The following FAM107B variants were observed in gnomAD, a reference collection of about 807,000 sequenced individuals.
The protein encoded by FAM107B is protein FAM107B.
In FAM107B, 21 loss-of-function variants were observed where a neutral mutation model predicts 31.5. That is an observed-to-expected ratio of 0.67 (90% CI 0.47 to 0.96). The LOEUF is 0.96. Among genes scored for constraint, FAM107B ranks in the 40% least tolerant of loss-of-function variants. The pLI is 0.00. For missense variants in FAM107B, 452 were observed against 377.1 expected (o/e 1.20, Z -1.64); for synonymous variants, 157 against 141.5 (o/e 1.11, Z -0.78).
intron 1 of FAM107B, chr10:14,724,184 T>G: frequency 2.3e-6 from 1 of 429,852 alleles, no homozygotes; most frequent in Non-Finnish European, 4.2e-6. Flanking sequence ...TATTTAGCTC[T>G]AATATTTGTG....
At chr10:14,762,221 C>T (rs1833063214) in intron 1 of FAM107B, among the ~76,000 whole-genome samples, 1 of 152,154 alleles carries the variant, frequency 6.6e-6, no homozygotes, top group Non-Finnish European at 1.5e-5. Context: ...CCCTCCTCAC[C>T]CAACAATGAC....
In FAM107B at chr10:14,562,250, C is replaced by T. The variant is rs144782791; in HGVS notation, c.470-31735G>A. On this transcript the variant is annotated intron_variant, in intron 2 of 4. Transcript: ENST00000181796. ...GACAGAATGGTCTTTTAATCTAAAA[C>T]AATATTAGAATATGCAATTAAGTAG... is the stretch of plus-strand genomic sequence containing the variant. 1.6e-3 allele frequency among the ~76,000 whole-genome samples: 238 copies of T among 152,266 alleles called. 1 individual carries two copies. Among genetic ancestry groups the T allele is most frequent in the African/African-American group, 5.5e-3 (228 of 41,568 alleles).
chr10:14,622,373 T>A (rs1312347907), intron 2 of FAM107B, among the ~76,000 whole-genome samples: 1 of 150,254 alleles, frequency 6.7e-6, no homozygotes, highest in African/African-American at 2.5e-5. Flanking sequence ...AGTGGTGTGA[T>A]CTCGGCTCAC....
intron 2 of FAM107B, among the ~76,000 whole-genome samples, chr10:14,541,638 C>T (rs1848214831): frequency 6.6e-6 from 1 of 152,212 alleles, no homozygotes. Context: ...GCCTCAGGCA[C>T]TTCCCCGCCT....
intron 1 of FAM107B, among the ~76,000 whole-genome samples, chr10:14,729,675 A>T (rs1320131424): frequency 6.6e-6 from 1 of 152,188 alleles, no homozygotes; most frequent in African/African-American, 2.4e-5. Context: ...TCACCCAGCG[A>T]TCCCATTACT....
intron 2 of FAM107B, among the ~76,000 whole-genome samples, chr10:14,614,839 G>A (rs1852811020): frequency 6.6e-6 from 1 of 152,000 alleles, no homozygotes; most frequent in African/African-American, 2.4e-5. Flanking sequence ...CAGGTTACAC[G>A]AGACAGGGAC....
intron 1 of FAM107B, among the ~76,000 whole-genome samples, chr10:14,687,864 AAC>A (rs1855027610): frequency 6.6e-6 from 1 of 152,156 alleles, no homozygotes; most frequent in Non-Finnish European, 1.5e-5. Flanking sequence ...CACACACAAA[AAC>A]AGTCATGTAC....
Position 14,774,351 on chromosome 10 carries a change from G to C in FAM107B, c.313C>G (p.Pro105Ala), listed in dbSNP as rs769714201. 5.0e-6 allele frequency: 8 copies of C among 1,614,184 alleles called. No individual in the cohort carries two copies. In the South Asian group the frequency reaches 6.6e-5, roughly 13 times the overall value. ...HRTAAQPAETPEDVPGSLDDG... is the reference protein window; with the variant it reads ...HRTAAQPAETAEDVPGSLDDG... ...TCCAGGGACCCGGGCACATCTTCAG[G>C]CGTCTCCGCGGGCTGGGCCGCAGTG... Residue 105 changes from proline (P) to alanine (A), a missense_variant, in exon 1 of 5, where the codon CCT (proline) becomes GCT (alanine). Pro to Ala is a conservative substitution (Grantham distance 27, BLOSUM62 -1). Transcript: ENST00000181796.
chr10:14,599,281 GC>G (rs1319791173), intron 2 of FAM107B, among the ~76,000 whole-genome samples: 1 of 152,118 alleles, frequency 6.6e-6, no homozygotes, highest in East Asian at 1.9e-4. Context: ...GACTTAAGCA[GC>G]CCCACCAGGA....
chr10:14,692,787 C>T (rs2768733), intron 1 of FAM107B, among the ~76,000 whole-genome samples: 116,920 of 152,126 alleles, frequency 0.77, 45,151 homozygotes, highest in Admixed American at 0.85. Context: ...TCAGAATGAA[C>T]GTTGTCTTGC....
chr10:14,609,081 G>C (rs956653515), intron 2 of FAM107B, among the ~76,000 whole-genome samples: 1 of 152,190 alleles, frequency 6.6e-6, no homozygotes, highest in Non-Finnish European at 1.5e-5. Flanking sequence ...GTTAATTTCT[G>C]CTTATTTGTT....
intron 1 of FAM107B, among the ~76,000 whole-genome samples, chr10:14,727,510 G>T (rs186865767): frequency 6.6e-6 from 1 of 152,224 alleles, no homozygotes; most frequent in Non-Finnish European, 1.5e-5. Context: ...CCACAGGCTG[G>T]AAGTGACAAG....
chr10:14,619,329 T>C (rs1852935982), intron 2 of FAM107B, among the ~76,000 whole-genome samples: 1 of 152,224 alleles, frequency 6.6e-6, no homozygotes, highest in Non-Finnish European at 1.5e-5. Flanking sequence ...ATGAGAGTCC[T>C]GGTTGTTCTA....
intron 2 of FAM107B, among the ~76,000 whole-genome samples, chr10:14,559,947 G>A (rs186897130): frequency 5.3e-5 from 8 of 152,226 alleles, no homozygotes; most frequent in Admixed American, 4.6e-4. Flanking sequence ...AATAATACTA[G>A]TATAAACCTC....
intron 1 of FAM107B, among the ~76,000 whole-genome samples, chr10:14,767,024 G>A (rs10906755): frequency 0.15 from 2,425 of 16,204 alleles, 297 homozygotes; most frequent in African/African-American, 0.24. Flanking sequence ...TGATGTGTAT[G>A]TATATATATA....
chr10:14,632,337 C>T (rs2031619), intron 2 of FAM107B, among the ~76,000 whole-genome samples: 23,423 of 141,434 alleles, frequency 0.17, 2,164 homozygotes, highest in Admixed American at 0.28. Context: ...AAATGCCGGG[C>T]GCAGTGGCTC....
intron 2 of FAM107B, among the ~76,000 whole-genome samples, chr10:14,537,354 G>T (rs1006823828): frequency 6.6e-5 from 10 of 152,212 alleles, no homozygotes; most frequent in Admixed American, 6.5e-4. Flanking sequence ...TGAGGCAGGG[G>T]TCATGACTTC....
At chr10:14,661,389 C>T (rs1049574959) in intron 2 of FAM107B, among the ~76,000 whole-genome samples, 12 of 152,102 alleles carry the variant, frequency 7.9e-5, no homozygotes, top group African/African-American at 2.9e-4. Context: ...AGCTGATCAC[C>T]CTCCCCAGTG....
chr10:14,604,968 G>C (rs1222165016), intron 2 of FAM107B, among the ~76,000 whole-genome samples: 1 of 151,758 alleles, frequency 6.6e-6, no homozygotes, highest in Non-Finnish European at 1.5e-5. Flanking sequence ...CACACACAAA[G>C]TACCCAAGAG....
Sources: allele counts gnomAD v4.1 joint callset (sites outside exome capture counted in the v4.1 genomes callset), GRCh38; gene constraint gnomAD v4.1.1; transcripts MANE v1.5; gene names NCBI Gene and HGNC (gene_info 2026-07-23, HGNC 2026-07-21).